Variants in GNA12 observed in about 807,000 individuals in gnomAD.
The protein encoded by GNA12 is guanine nucleotide-binding protein subunit alpha-12.
In GNA12, 9 loss-of-function variants were observed where a neutral mutation model predicts 26.0. The ratio of observed to expected loss-of-function variants is 0.35; its 90% CI spans 0.21 to 0.60. The LOEUF is 0.60. Ranked by LOEUF, GNA12 falls within the 20% of genes least tolerant of loss-of-function variation. The probability of loss-of-function intolerance (pLI) is 0.78; values close to 1 mark genes in which losing one functional copy is unlikely to be tolerated. For missense variants in GNA12, 405 were observed against 525.8 expected (o/e 0.77, Z 2.25); for synonymous variants, 264 against 219.6 (o/e 1.20, Z -1.79).
At chr7:2,788,147 G>A (rs1003018116) in intron 2 of GNA12, among the ~76,000 whole-genome samples, 6 of 141,082 alleles carry the variant, frequency 4.3e-5, no homozygotes, top group African/African-American at 1.2e-4. Context: ...GGGCGAGACT[G>A]TCTCCAAAAA....
intron 2 of GNA12, among the ~76,000 whole-genome samples, chr7:2,770,723 G>T (rs1447368733): frequency 1.3e-5 from 2 of 152,164 alleles, no homozygotes; most frequent in Admixed American, 6.5e-5. Flanking sequence ...CAACATGGAT[G>T]CTTCACTGGG....
At position 2,744,699 on chromosome 7, in the gene GNA12, C is replaced by T. The variant is rs1236854583; in HGVS notation, c.526-11198G>A. Among the ~76,000 whole-genome samples, 4 of 152,230 alleles carry T rather than the reference C, an allele frequency of 2.6e-5. No individual in the cohort carries two copies. In the East Asian group the frequency reaches 7.7e-4, roughly 29 times the overall value. On this transcript the variant is annotated intron_variant, in intron 2 of 3. Coordinates refer to ENST00000275364, the MANE Select transcript of GNA12 (RefSeq NM_007353.3). ...ACTTTGACGAGTTGAGAAAAGAAGG[C>T]TTCAGACAATCAAACTACTCTGAGC...
At chr7:2,741,786 C>A (rs1790519163) in intron 2 of GNA12, among the ~76,000 whole-genome samples, 1 of 151,434 alleles carries the variant, frequency 6.6e-6, no homozygotes, top group Non-Finnish European at 1.5e-5. Context: ...AGGACACCTG[C>A]TTCTACAACC....
intron 1 of GNA12, among the ~76,000 whole-genome samples, chr7:2,841,567 C>T (rs372902328): frequency 3.3e-5 from 5 of 150,610 alleles, no homozygotes; most frequent in Non-Finnish European, 5.9e-5. Flanking sequence ...AGAGCTCTGA[C>T]GCACCGAGAG....
chr7:2,835,088 G>T (rs1002514138), intron 1 of GNA12, among the ~76,000 whole-genome samples: 1 of 152,176 alleles, frequency 6.6e-6, no homozygotes, highest in African/African-American at 2.4e-5. Context: ...TATATAACAA[G>T]GAACCTTCAG....
At chr7:2,793,031 A>C (rs953557784) in intron 2 of GNA12, among the ~76,000 whole-genome samples, 1 of 152,226 alleles carries the variant, frequency 6.6e-6, no homozygotes, top group African/African-American at 2.4e-5. Flanking sequence ...TGATCAGATG[A>C]TCTGAGCAGG....
At chr7:2,795,816 C>CT (rs71026559) in intron 1 of GNA12, among the ~76,000 whole-genome samples, 178 of 137,886 alleles carry the variant, frequency 1.3e-3, no homozygotes, top group African/African-American at 1.9e-3. Context: ...AAAAAAACAA[C>CT]TTTTTTTTTT....
intron 2 of GNA12, among the ~76,000 whole-genome samples, chr7:2,782,727 G>A (rs1034431454): frequency 8.6e-5 from 13 of 151,146 alleles, no homozygotes; most frequent in Non-Finnish European, 1.3e-4. Flanking sequence ...ACCAGCCACC[G>A]TCACTTCAAA....
intron 2 of GNA12, among the ~76,000 whole-genome samples, chr7:2,773,703 CTG>C (rs749374466): frequency 6.6e-5 from 10 of 152,314 alleles, no homozygotes; most frequent in East Asian, 1.9e-4. Context: ...AATACAAACA[CTG>C]TGAAAAATCC....
intron 1 of GNA12, among the ~76,000 whole-genome samples, chr7:2,820,852 C>A (rs1204761725): frequency 6.6e-6 from 1 of 152,252 alleles, no homozygotes; most frequent in Non-Finnish European, 1.5e-5. Context: ...CATCCTCTTG[C>A]CTCAGACTCC....
At chr7:2,812,081 A>C (rs1048712078) in intron 1 of GNA12, among the ~76,000 whole-genome samples, 2 of 152,208 alleles carry the variant, frequency 1.3e-5, no homozygotes, top group Non-Finnish European at 2.9e-5. Context: ...AACCTGAAAA[A>C]ACTCTCAAGA....
chr7:2,808,609 A>G (rs902275569), intron 1 of GNA12, among the ~76,000 whole-genome samples: 5 of 152,212 alleles, frequency 3.3e-5, no homozygotes, highest in African/African-American at 1.2e-4. Context: ...GGTCTGGCCC[A>G]GCCTGTCAGC....
rs76459868 is a variant in GNA12 at position 2,794,218 on chromosome 7, T to G, written c.525+710A>C. 9.6e-3 allele frequency among the ~76,000 whole-genome samples: 1,455 copies of G among 152,246 alleles called. 10 individuals carry two copies. Among genetic ancestry groups the G allele is most frequent in the Middle Eastern group, 0.075 (22 of 294 alleles). ...TAAGAACGGCAAAGGATTCATGACT[T>G]CAACTTGACTCTGGGTGCTAAGGGG... is the stretch of plus-strand genomic sequence containing the variant. On this transcript the variant is annotated intron_variant, in intron 2 of 3. Coordinates refer to ENST00000275364, the MANE Select transcript of GNA12 (RefSeq NM_007353.3).
intron 2 of GNA12, among the ~76,000 whole-genome samples, chr7:2,740,195 G>A (rs931383392): frequency 1.3e-5 from 2 of 152,156 alleles, no homozygotes; most frequent in Non-Finnish European, 2.9e-5. Context: ...ATTTCCTGGT[G>A]ATCTTTTCTA....
Position 2,805,496 on chromosome 7 carries a change from C to T in GNA12, c.310-10353G>A, listed in dbSNP as rs1008161540. 3.9e-5 allele frequency among the ~76,000 whole-genome samples: 6 copies of T among 152,106 alleles called. No homozygotes were observed. The South Asian group carries it at 8.3e-4, about 21-fold the overall frequency. On this transcript the variant is annotated intron_variant, in intron 1 of 3. Coordinates refer to ENST00000275364, the MANE Select transcript of GNA12 (RefSeq NM_007353.3). ...AAAGCTCACTGCAGCCTTGACCGCG[C>T]GGGCTCAAGCTAGAGATTTTTCAGC...
At chr7:2,788,602 T>G (rs1013494319) in intron 2 of GNA12, among the ~76,000 whole-genome samples, 1 of 152,218 alleles carries the variant, frequency 6.6e-6, no homozygotes, top group Non-Finnish European at 1.5e-5. Flanking sequence ...CTAAAGATGC[T>G]ACCGGCCTGC....
rs544572895 is a variant in GNA12, at chr7:2,743,587, C to T, written c.526-10086G>A. 1.2e-4 allele frequency among the ~76,000 whole-genome samples: 18 copies of T among 152,304 alleles called. No individual in the cohort carries two copies. In the East Asian group the frequency reaches 2.9e-3, roughly 25 times the overall value. On this transcript the variant is annotated intron_variant, in intron 2 of 3. Coordinates refer to ENST00000275364, the MANE Select transcript of GNA12 (RefSeq NM_007353.3). Reference sequence around the variant, plus strand: ...CAAGATGGCCGAATAGGAACAGCTCCGGTCTACAGCTCCCAGCGTGAGCAA... The same window carrying T: ...CAAGATGGCCGAATAGGAACAGCTCTGGTCTACAGCTCCCAGCGTGAGCAA...
chr7:2,816,421 G>A (rs1411406873), intron 1 of GNA12, among the ~76,000 whole-genome samples: 2 of 152,058 alleles, frequency 1.3e-5, no homozygotes, highest in Non-Finnish European at 2.9e-5. Context: ...TAGTAGAGAT[G>A]GGTTTCACCA....
intron 2 of GNA12, among the ~76,000 whole-genome samples, chr7:2,780,478 C>T (rs1389243450): frequency 6.6e-6 from 1 of 152,110 alleles, no homozygotes; most frequent in East Asian, 1.9e-4. Context: ...GCAACCAGCA[C>T]CTCAGAAGCA....
Sources: allele counts gnomAD v4.1 joint callset (sites outside exome capture counted in the v4.1 genomes callset), GRCh38; gene constraint gnomAD v4.1.1; transcripts MANE v1.5; gene names NCBI Gene and HGNC (gene_info 2026-07-23, HGNC 2026-07-21).